Variants in PLIN4 observed in about 807,000 individuals in gnomAD.
PLIN4 encodes perilipin-4.
In PLIN4, 57 loss-of-function variants were observed where a neutral mutation model predicts 52.4. The ratio of observed to expected loss-of-function variants is 1.09; its 90% CI spans 0.88 to 1.36. The LOEUF is 1.36. PLIN4 is among the 40% of genes most tolerant of loss of function. The pLI is 0.00. For missense variants in PLIN4, 1,757 were observed against 1,770.3 expected (o/e 0.99, Z 0.13); for synonymous variants, 826 against 785.4 (o/e 1.05, Z -0.86).
Position 4,512,203 on chromosome 19 carries a change from C to T in PLIN4, c.1757G>A (p.Gly586Asp), listed in dbSNP as rs1388660470. Residue 586 changes from glycine to aspartate, a missense_variant, in exon 5 of 8, where the codon GGT becomes GAT. Coordinates refer to ENST00000301286, the MANE Select transcript of PLIN4 (RefSeq NM_001367868.2). Reference sequence around the variant, plus strand: ...CAGCACGGTCTTGGCTGTGTCTACACCTGTCTGGACAGCCCCCTTGGCCAC... The same window carrying T: ...CAGCACGGTCTTGGCTGTGTCTACATCTGTCTGGACAGCCCCCTTGGCCAC... ...ANVAKGAVQT[G>D]VDTAKTVLTG... 8 of 1,612,988 alleles carry T rather than the reference C, an allele frequency of 5.0e-6. No homozygotes were observed. The highest frequency in any genetic ancestry group is 1.3e-5 in the African/African-American group (1 of 74,304).
chr19:4,509,632 A>G (rs965224784), intron 5 of PLIN4, among the ~76,000 whole-genome samples: 8 of 151,812 alleles, frequency 5.3e-5, no homozygotes, highest in Non-Finnish European at 1.2e-4. Context: ...CTCAAAAATA[A>G]ATAAGTAAAA....
chr19:4,517,697 G>T lies in PLIN4; in HGVS notation c.53C>A (p.Thr18Asn). 1.3e-6 allele frequency: 2 copies of T among 1,585,324 alleles called. No individual in the cohort carries two copies. Among genetic ancestry groups the T allele is most frequent in the Non-Finnish European group, 1.7e-6 (2 of 1,166,398 alleles). ...CAGGGACCCAAAGAAGCTGCCCAGGGTCTGCATGGGGGCGGGGGGTGTGCA... is the reference window on the plus strand; with the variant it reads ...CAGGGACCCAAAGAAGCTGCCCAGGTTCTGCATGGGGGCGGGGGGTGTGCA... ...RRDPPKPKGK[T>N]LGSFFGSLPG... Residue 18 changes from threonine to asparagine, a missense_variant and splice_region_variant, in exon 3 of 8, where the codon ACC (threonine) becomes AAC (asparagine). Thr to Asn is a moderately conservative substitution (Grantham distance 65). Transcript: ENST00000301286.
chr19:4,505,575 G>A (rs534086479), intron 6 of PLIN4, among the ~76,000 whole-genome samples: 2 of 152,210 alleles, frequency 1.3e-5, no homozygotes, highest in South Asian at 2.1e-4. Flanking sequence ...GTGTTTATCC[G>A]CCCCTGGCAG....
Position 4,508,915 on chromosome 19 carries a change from C to T in PLIN4, c.3555G>A (p.Ser1185=), listed in dbSNP as rs201981683. ...AASQPGPKVL[S]AEQGSYFVRL... Reference sequence around the variant, plus strand: ...GAACGAAGTAGCTCCCCTGTTCCGCCGACAGCACCTTTGGCCCAGGCTGGG... The same window carrying T: ...GAACGAAGTAGCTCCCCTGTTCCGCTGACAGCACCTTTGGCCCAGGCTGGG... The change falls in exon 6 of 8, where the codon TCG becomes TCA. Residue 1185 remains serine (S), a synonymous_variant. Transcript: ENST00000301286. The T allele has an allele frequency of 3.0e-4, 477 of 1,612,862 alleles. 1 individual carries two copies. In the African/African-American group the frequency reaches 5.6e-3, roughly 19 times the overall value.
In PLIN4 at chr19:4,510,579, G is replaced by T. The variant is rs747632824; in HGVS notation, c.3381C>A (p.Ala1127=). The change falls in exon 5 of 8, where the codon GCC becomes GCA. Residue 1127 remains alanine (A), a synonymous_variant. Transcript: ENST00000301286. ...ATDVATFTQG[A]APGREDTGLL... is the part of the protein sequence containing the mutation. ...GCCCCGTGTCCTCCCTGCCTGGGGCGGCCCCTTGGGTGAACGTCGCCACGT... is the reference window on the plus strand; with the variant it reads ...GCCCCGTGTCCTCCCTGCCTGGGGCTGCCCCTTGGGTGAACGTCGCCACGT... The T allele has an allele frequency of 6.7e-7, 1 of 1,500,574 alleles. No individual in the cohort carries two copies. Among genetic ancestry groups the T allele is most frequent in the Non-Finnish European group, 8.9e-7 (1 of 1,125,102 alleles). 93.0% of individuals were successfully genotyped at this position (1,500,574 alleles called of 1,614,324 possible).
At chr19:4,509,686 T>C (rs1214180265) in intron 5 of PLIN4, among the ~76,000 whole-genome samples, 2 of 152,042 alleles carry the variant, frequency 1.3e-5, no homozygotes, top group Non-Finnish European at 1.5e-5. Context: ...ATGCCTGTAA[T>C]CCCAGCACTT....
chr19:4,507,802 G>A (rs559134325), intron 6 of PLIN4, among the ~76,000 whole-genome samples: 42 of 152,198 alleles, frequency 2.8e-4, no homozygotes, highest in Admixed American at 2.0e-3. Flanking sequence ...GGGGAGACTG[G>A]AGGCCAGGGA....
chr19:4,507,370 A>G (rs1976126859), intron 6 of PLIN4, among the ~76,000 whole-genome samples: 1 of 152,232 alleles, frequency 6.6e-6, no homozygotes, highest in Non-Finnish European at 1.5e-5. Context: ...GCAGAAGCTC[A>G]AGACCAGCCT....
Position 4,502,290 on chromosome 19 carries a change from G to C in PLIN4, c.*2169C>G, listed in dbSNP as rs1975936222. On this transcript the variant is annotated 3_prime_UTR_variant, in exon 8 of 8. Coordinates refer to ENST00000301286, the MANE Select transcript of PLIN4 (RefSeq NM_001367868.2). The stretch of plus-strand genomic sequence containing the variant: ...TGGGGCGCAGGCGGCAGTGTCACTG[G>C]GCCCGTTTGGGACTGGGTTGAGCCA... 3 of 506,948 alleles carry C rather than the reference G, an allele frequency of 5.9e-6. No homozygotes were observed. The highest frequency in any genetic ancestry group is 3.1e-5 in the Admixed American group (1 of 31,940). 31.4% of individuals were successfully genotyped at this position (506,948 alleles called of 1,614,324 possible). A position where few individuals can be genotyped will look rare whatever the true frequency, so the allele number is the denominator to read the frequency against.
rs374315352 is a variant in PLIN4 at position 4,513,320 on chromosome 19, T to C, written c.640A>G (p.Asn214Asp). The change falls in exon 5 of 8, where the codon AAC becomes GAC. Residue 214 changes from asparagine (N) to aspartate (D), a missense_variant. By Grantham distance (23) the Asn-to-Asp change is conservative. Transcript: ENST00000301286. ...TVTTGVMGAV[N>D]LAKGTVQTGV... ...GTCTGGACAGTCCCTTTGGCCAAGTTCACTGCCCCCATGACCCCAGTAGTC... is the reference window on the plus strand; with the variant it reads ...GTCTGGACAGTCCCTTTGGCCAAGTCCACTGCCCCCATGACCCCAGTAGTC... The C allele has an allele frequency of 1.4e-5, 23 of 1,613,276 alleles. No homozygotes were observed. Among genetic ancestry groups the C allele is most frequent in the Non-Finnish European group, 1.9e-5 (23 of 1,179,822 alleles).
rs762684785 is a variant in PLIN4 at position 4,511,605 on chromosome 19, C to G, written c.2355G>C (p.Met785Ile). 7.9e-7 allele frequency: 1 copy of G among 1,272,726 alleles called. No homozygotes were observed. The highest frequency in any genetic ancestry group is 1.5e-5 in the African/African-American group (1 of 67,752). The allele number at this position is 1,272,726 out of a possible 1,614,324, so 78.8% of individuals were successfully genotyped here. Residue 785 changes from methionine to isoleucine, a missense_variant, in exon 5 of 8, where the codon ATG becomes ATC. By Grantham distance (10) the Met-to-Ile change is conservative. Coordinates refer to ENST00000301286, the MANE Select transcript of PLIN4 (RefSeq NM_001367868.2). Reference sequence around the variant, plus strand: ...CAGTTAACACAGTCTTGGTGGTGTCCATGCCGGTCTGGACAGTCCCTTTGG... The same window carrying G: ...CAGTTAACACAGTCTTGGTGGTGTCGATGCCGGTCTGGACAGTCCCTTTGG... Reference protein sequence around the residue: ...KLAKGTVQTGMDTTKTVLTGT... With the variant: ...KLAKGTVQTGIDTTKTVLTGT...
chr19:4,514,818 C>A (rs1468360749), intron 4 of PLIN4, among the ~76,000 whole-genome samples: 1 of 150,998 alleles, frequency 6.6e-6, no homozygotes, highest in Non-Finnish European at 1.5e-5. Context: ...GTGGCTAAGG[C>A]AGGAGGATTG....
chr19:4,505,223 G>A (rs964954416), intron 6 of PLIN4, among the ~76,000 whole-genome samples: 1 of 152,178 alleles, frequency 6.6e-6, no homozygotes, highest in Non-Finnish European at 1.5e-5. Context: ...GTACCCTTAA[G>A]ATAAAACCCA....
At position 4,504,309 on chromosome 19, in the gene PLIN4, C is replaced by T. The variant is rs866570387; in HGVS notation, c.*150G>A. ...GCTCAGTTAAGAAGGTCACTGCCTC[C>T]GCAGCCCCTCGGCGCTCAGCCAGCT... On this transcript the variant is annotated 3_prime_UTR_variant, in exon 8 of 8. Coordinates refer to ENST00000301286, the MANE Select transcript of PLIN4 (RefSeq NM_001367868.2). 46 of 802,728 alleles carry T rather than the reference C, an allele frequency of 5.7e-5. 1 individual carries two copies. Among genetic ancestry groups the T allele is most frequent in the South Asian group, 4.1e-4 (19 of 46,314 alleles). 49.7% of individuals were successfully genotyped at this position (802,728 alleles called of 1,614,324 possible). A position where few individuals can be genotyped will look rare whatever the true frequency, so the allele number is the denominator to read the frequency against.
Position 4,516,698 on chromosome 19 carries a change from T to A in PLIN4, c.197-20A>T. ...CAGCCACTGTGGGGACAGGGGCCGG[T>A]CAGGGAGAGTGAGGGATGCAGTTAG... On this transcript the variant is annotated intron_variant, in intron 3 of 7. Transcript: ENST00000301286. The A allele has an allele frequency of 1.9e-6, 3 of 1,573,864 alleles. No homozygotes were observed. The Admixed American group carries it at 5.5e-5, about 29-fold the overall frequency.
rs1482434812 is a variant in PLIN4 at position 4,512,754 on chromosome 19, C to G, written c.1206G>C (p.Thr402=). Residue 402 remains threonine, a synonymous_variant, in exon 5 of 8, where the codon ACG becomes ACC. Transcript: ENST00000301286. ...CTGCCCCTGTGAGCCCAGTGGACAT[C>G]GTGTCTTTCGTACCCATGACCATAG... is the stretch of plus-strand genomic sequence containing the variant. The part of the protein sequence containing the change: ...TKSMVMGTKD[T]MSTGLTGAAN... 1 of 1,555,916 alleles carries G rather than the reference C, an allele frequency of 6.4e-7. No individual in the cohort carries two copies. Among genetic ancestry groups the G allele is most frequent in the East Asian group, 2.2e-5 (1 of 44,522 alleles).
rs771147713 is a variant in PLIN4 at position 4,512,289 on chromosome 19, G to A, written c.1671C>T (p.Thr557=). Residue 557 remains threonine, a synonymous_variant, in exon 5 of 8, where the codon ACC becomes ACT. Transcript: ENST00000301286. ...KGAVQGGLDT[T]KSVVIGTKDT... is the part of the protein sequence containing the mutation. ...CTTTTGTACCTATGACCACAGACTT[G>A]GTGGTGTCCAGGCCCCCCTGGACGG... The A allele has an allele frequency of 6.2e-7, 1 of 1,610,194 alleles. No homozygotes were observed. The highest frequency in any genetic ancestry group is 1.4e-5 in the African/African-American group (1 of 73,012).
rs1193501957 is a variant in PLIN4, at chr19:4,513,516, G to A, written c.444C>T (p.Asp148=). The change falls in exon 5 of 8, where the codon GAC becomes GAT. Residue 148 remains aspartate (D), a synonymous_variant. Coordinates refer to ENST00000301286, the MANE Select transcript of PLIN4 (RefSeq NM_001367868.2). Reference sequence around the variant, plus strand: ...CCCCTTGGACGGCCCCCTTAGCCATGTCCATGGCCCCTGTGACCCCGCTGG... The same window carrying A: ...CCCCTTGGACGGCCCCCTTAGCCATATCCATGGCCCCTGTGACCCCGCTGG... The part of the protein sequence containing the change: ...VVSSGVTGAM[D]MAKGAVQGGL... 1 of 1,610,896 alleles carries A rather than the reference G, an allele frequency of 6.2e-7. No individual in the cohort carries two copies. The highest frequency in any genetic ancestry group is 1.7e-5 in the Admixed American group (1 of 59,876).
intron 2 of PLIN4, 70 bp from the exon 3 acceptor site, chr19:4,517,768 C>A: frequency 6.6e-7 from 1 of 1,516,476 alleles, no homozygotes; most frequent in Non-Finnish European, 8.9e-7. Context: ...GAGGAAGCAT[C>A]GATTGATCAG....
Sources: gnomAD v4.1 joint callset for allele counts (sites outside exome capture counted in the v4.1 genomes callset) on GRCh38, gnomAD v4.1.1 for gene constraint, MANE v1.5 for transcripts, NCBI Gene and HGNC (gene_info 2026-07-23, HGNC 2026-07-21) for gene names.